The following MYT1L variants were observed in gnomAD, a reference collection of about 807,000 sequenced individuals.
MYT1L encodes the protein myelin transcription factor 1 like.
Under a neutral mutation model 126.7 loss-of-function variants are expected in MYT1L, and 12 were observed. That is an observed-to-expected ratio of 0.09 (90% CI 0.06 to 0.15). MYT1L has a LOEUF of 0.15. Among genes scored for constraint, MYT1L ranks in the 10% least tolerant of loss-of-function variants. The probability of loss-of-function intolerance (pLI) is 1.00; values close to 1 mark genes in which losing one functional copy is unlikely to be tolerated. For synonymous variants in MYT1L, 541 were observed against 604.2 expected (o/e 0.90, Z 1.53); for missense variants, 979 against 1,585.2 (o/e 0.62, Z 6.49).
Position 1,810,409 on chromosome 2 carries a change from G to A in MYT1L, c.3081-1242C>T, listed in dbSNP as rs1302942528. 2.6e-5 allele frequency among the ~76,000 whole-genome samples: 4 copies of A among 152,218 alleles called. No individual in the cohort carries two copies. The East Asian group carries it at 7.7e-4, about 29-fold the overall frequency. Reference sequence around the variant, plus strand: ...CCCGCCTTGGCCTCCCAAAGTGCTAGGATTACAGGCATGAGCCACCGCACC... The same window carrying A: ...CCCGCCTTGGCCTCCCAAAGTGCTAAGATTACAGGCATGAGCCACCGCACC... On this transcript the variant is annotated intron_variant, in intron 21 of 24. Transcript: ENST00000647738.
In MYT1L at chr2:1,929,584, T is replaced by G. The variant is rs1020780399; in HGVS notation, c.506-6321A>C. On this transcript the variant is annotated intron_variant, in intron 9 of 24. Transcript: ENST00000647738. This position sits in a 1 kb window ranked among gnomAD's most constrained non-coding sequence, Gnocchi z 4.7. ...TTATTTCCAGTATCATAGGAAATTT[T>G]CAGAATAGTCTGTCCATATGCACAG... is the stretch of plus-strand genomic sequence containing the variant. Among the ~76,000 whole-genome samples, 2 of 152,238 alleles carry G rather than the reference T, an allele frequency of 1.3e-5. No individual in the cohort carries two copies. The highest frequency in any genetic ancestry group is 4.8e-5 in the African/African-American group (2 of 41,474).
chr2:2,085,571 G>A (rs2076274296), intron 3 of MYT1L, among the ~76,000 whole-genome samples: 1 of 152,042 alleles, frequency 6.6e-6, no homozygotes, highest in Non-Finnish European at 1.5e-5. Flanking sequence ...CATTTGTCAC[G>A]GTTGTTTATG....
chr2:2,245,790 A>G (rs2149178091), intron 2 of MYT1L, among the ~76,000 whole-genome samples: 1 of 152,220 alleles, frequency 6.6e-6, no homozygotes, highest in African/African-American at 2.4e-5. Flanking sequence ...CTCCTCCATA[A>G]TTCTGATCCA....
At chr2:2,058,839 C>G (rs2069977049) in intron 3 of MYT1L, among the ~76,000 whole-genome samples, 1 of 152,174 alleles carries the variant, frequency 6.6e-6, no homozygotes. Context: ...GGATGTGAGG[C>G]TCCTTCTCAG....
chr2:1,942,989 T>C lies in MYT1L; in HGVS notation c.498A>G (p.Glu166=). The C allele has an allele frequency of 1.3e-6, 2 of 1,536,320 alleles. No individual in the cohort carries two copies. The highest frequency in any genetic ancestry group is 1.8e-6 in the Non-Finnish European group (2 of 1,138,504). The part of the protein sequence containing the change: ...EEEEEEEEEE[E]ENEDHQMNCH... ...TAATATTTTAAAGATTACCGTTTTCTTCTTCCTCTTCCTCCTCCTCCTCCT... is the reference window on the plus strand; with the variant it reads ...TAATATTTTAAAGATTACCGTTTTCCTCTTCCTCTTCCTCCTCCTCCTCCT... The change falls in exon 9 of 25, where the codon GAA becomes GAG. Residue 166 remains glutamate (E), a synonymous_variant. Transcript: ENST00000647738.
intron 2 of MYT1L, among the ~76,000 whole-genome samples, chr2:2,183,769 GAGGA>G (rs1166356870): frequency 1.6e-4 from 22 of 139,082 alleles, no homozygotes; most frequent in Non-Finnish European, 2.8e-4. Flanking sequence ...GAAGGAGGGA[GAGGA>G]AGGAAGGAAG....
At chr2:1,985,029 T>TG (rs2060905601) in intron 5 of MYT1L, among the ~76,000 whole-genome samples, 1 of 152,128 alleles carries the variant, frequency 6.6e-6, no homozygotes, top group African/African-American at 2.4e-5. Context: ...AGAGTCCTCT[T>TG]GCAGGAACAG....
Position 1,793,929 on chromosome 2 carries a change from G to A in MYT1L, c.3277-1465C>T, listed in dbSNP as rs1028524081. Among the ~76,000 whole-genome samples the A allele has an allele frequency of 1.9e-4, 29 of 152,206 alleles. No individual in the cohort carries two copies. The highest frequency in any genetic ancestry group is 2.4e-5 in the African/African-American group (1 of 41,464). ...GTGCCCGGTGCTTGTCTTCCAGAGC[G>A]TTCTGTAGCCCTTCCTGGGTGGCCA... On this transcript the variant is annotated intron_variant, in intron 23 of 24. Coordinates refer to ENST00000647738, the MANE Select transcript of MYT1L (RefSeq NM_001303052.2). The surrounding 1 kb of genome is among the most constrained non-coding windows in gnomAD (Gnocchi z 4.6).
At position 1,937,394 on chromosome 2, in the gene MYT1L, G is replaced by A. The variant is rs1383073834; in HGVS notation, c.505+5588C>T. ...CCCTAATGTCCGCGGCCATCAGATC[G>A]CACAGCGAGAAAGCCCTAACGTCTG... On this transcript the variant is annotated intron_variant, in intron 9 of 24. Coordinates refer to ENST00000647738, the MANE Select transcript of MYT1L (RefSeq NM_001303052.2). 5.9e-5 allele frequency among the ~76,000 whole-genome samples: 9 copies of A among 151,844 alleles called. No individual in the cohort carries two copies. The East Asian group carries it at 7.8e-4, about 13-fold the overall frequency.
At chr2:1,854,734 G>A (rs2043689691) in intron 18 of MYT1L, among the ~76,000 whole-genome samples, 1 of 152,122 alleles carries the variant, frequency 6.6e-6, no homozygotes, top group South Asian at 2.1e-4. Flanking sequence ...CATCCCAGGC[G>A]TGCCACTTGC....
At chr2:1,881,334 T>A (rs2047507096) in intron 18 of MYT1L, among the ~76,000 whole-genome samples, 1 of 149,998 alleles carries the variant, frequency 6.7e-6, no homozygotes, top group African/African-American at 2.5e-5. Flanking sequence ...ACCTGGGTGG[T>A]TTATTGTTGG....
intron 11 of MYT1L, among the ~76,000 whole-genome samples, chr2:1,915,021 C>A (rs1277786263): frequency 6.6e-6 from 1 of 152,044 alleles, no homozygotes; most frequent in African/African-American, 2.4e-5. Flanking sequence ...CCGTGCAGAG[C>A]CCCGGCCTCG....
intron 2 of MYT1L, among the ~76,000 whole-genome samples, chr2:2,184,562 T>C (rs1011779280): frequency 6.6e-6 from 1 of 152,070 alleles, no homozygotes; most frequent in Admixed American, 6.6e-5. Context: ...CAAGTAAAAA[T>C]CTCCAGGCAA....
chr2:2,119,017 A>G (rs1351777265), intron 3 of MYT1L, among the ~76,000 whole-genome samples: 1 of 152,258 alleles, frequency 6.6e-6, no homozygotes, highest in African/African-American at 2.4e-5. Context: ...ATTAGGTTAA[A>G]TATTCAACCA....
intron 2 of MYT1L, among the ~76,000 whole-genome samples, chr2:2,268,781 A>G (rs927722430): frequency 1.3e-5 from 2 of 152,192 alleles, no homozygotes; most frequent in African/African-American, 4.8e-5. Flanking sequence ...AACCTTGACA[A>G]CATCCCTGCC....
intron 2 of MYT1L, among the ~76,000 whole-genome samples, chr2:2,209,898 T>A (rs1300505237): frequency 1.3e-5 from 2 of 152,230 alleles, no homozygotes; most frequent in Non-Finnish European, 2.9e-5. Flanking sequence ...GTGGTTGTAC[T>A]AATTTACACT....
chr2:2,140,276 T>C (rs1012215088), intron 3 of MYT1L, among the ~76,000 whole-genome samples: 2 of 152,150 alleles, frequency 1.3e-5, no homozygotes, highest in African/African-American at 4.8e-5. Context: ...TTTTACACAT[T>C]AAAAGTCAGG....
chr2:2,139,246 T>G (rs777408308), intron 3 of MYT1L, among the ~76,000 whole-genome samples: 17 of 152,124 alleles, frequency 1.1e-4, no homozygotes, highest in Non-Finnish European at 2.2e-4. Flanking sequence ...TCCAGAAACC[T>G]AAATTCAGCC....
intron 3 of MYT1L, among the ~76,000 whole-genome samples, 198 bp downstream of exon 3, chr2:2,172,674 T>C (rs11685083): frequency 0.11 from 15,408 of 137,184 alleles, 754 homozygotes; most frequent in East Asian, 0.15. Context: ...GGGGTACCTG[T>C]ACTCTGTCGC....
Sources: allele counts gnomAD v4.1 joint callset (sites outside exome capture counted in the v4.1 genomes callset), GRCh38; gene constraint gnomAD v4.1.1; non-coding constraint Gnocchi (gnomAD v3.1); transcripts MANE v1.5; gene names NCBI Gene and HGNC (gene_info 2026-07-23, HGNC 2026-07-21).